Variants in KIF18B observed in about 807,000 individuals in gnomAD.
KIF18B encodes kinesin family member 18B.
Under a neutral mutation model 80.9 loss-of-function variants are expected in KIF18B, and 49 were observed. The ratio of observed to expected loss-of-function variants is 0.61; its 90% CI spans 0.48 to 0.77. The LOEUF (loss-of-function observed/expected upper bound fraction) is 0.77, where lower values mean the gene tolerates loss of function less well. Ranked by LOEUF, KIF18B falls within the 30% of genes least tolerant of loss-of-function variation. KIF18B has a pLI of 0.00. For missense variants in KIF18B, 994 were observed against 1,127.7 expected (o/e 0.88, Z 1.70); for synonymous variants, 439 against 463.9 (o/e 0.95, Z 0.69).
rs1567786403 is a variant in KIF18B, at chr17:44,927,900, A to C, written c.2276+126T>G. ...CTGGGGAGCAAAGCGGATCACAACC[A>C]AAGTGGAACAGATAGGAACCGTCCC... On this transcript the variant is annotated intron_variant, in intron 13 of 15. Coordinates refer to ENST00000593135, the MANE Select transcript of KIF18B (RefSeq NM_001265577.2). This position sits in a 1 kb window ranked among gnomAD's most constrained non-coding sequence, Gnocchi z 4.1. The C allele has an allele frequency of 6.9e-6, 6 of 868,476 alleles. No homozygotes were observed. The highest frequency in any genetic ancestry group is 9.8e-6 in the Non-Finnish European group (6 of 612,348). The allele number at this position is 868,476 out of a possible 1,614,324, so 53.8% of individuals were successfully genotyped here. A position where few individuals can be genotyped will look rare whatever the true frequency, so the allele number is the denominator to read the frequency against.
chr17:44,943,322 G>C (rs915430941), intron 1 of KIF18B, among the ~76,000 whole-genome samples: 1 of 151,872 alleles, frequency 6.6e-6, no homozygotes, highest in Non-Finnish European at 1.5e-5. Flanking sequence ...GGATGGTCTC[G>C]ATCTCCTGAC....
At chr17:44,941,311 A>T (rs2052410401) in intron 1 of KIF18B, among the ~76,000 whole-genome samples, 1 of 151,274 alleles carries the variant, frequency 6.6e-6, no homozygotes, top group African/African-American at 2.4e-5. Context: ...ACACTTTCAA[A>T]TATATGGACT....
At chr17:44,941,085 G>A (rs1275402787) in intron 1 of KIF18B, among the ~76,000 whole-genome samples, 1 of 152,120 alleles carries the variant, frequency 6.6e-6, no homozygotes, top group Non-Finnish European at 1.5e-5. Context: ...TTTCAATGAA[G>A]AAATTGAGAC....
intron 10 of KIF18B, 82 bp from the exon 11 acceptor site, chr17:44,931,811 C>A (rs2052155069): frequency 6.5e-7 from 1 of 1,541,332 alleles, no homozygotes; most frequent in Admixed American, 1.9e-5. Context: ...ATCCTTCCCT[C>A]CTACAAGAGT....
intron 1 of KIF18B, among the ~76,000 whole-genome samples, chr17:44,946,935 C>T (rs1386323190): frequency 6.6e-6 from 1 of 151,752 alleles, no homozygotes; most frequent in African/African-American, 2.4e-5. Context: ...CCCGGCCAAC[C>T]CTGTCTCTAC....
intron 15 of KIF18B, 23 bp from the exon 16 acceptor site, chr17:44,926,209 G>A (rs751697221): frequency 6.2e-7 from 1 of 1,613,362 alleles, no homozygotes; most frequent in Non-Finnish European, 8.5e-7. Context: ...TGGATGGGTG[G>A]CGGGGAGTGC....
intron 1 of KIF18B, among the ~76,000 whole-genome samples, chr17:44,946,529 T>C (rs2052515129): frequency 6.6e-6 from 1 of 152,224 alleles, no homozygotes; most frequent in Admixed American, 6.5e-5. Context: ...GTAAATAATA[T>C]TAGTATCTAC....
Position 44,925,763 on chromosome 17 carries a change from AGAGT to A in KIF18B, c.*313_*316del. Reference sequence around the variant, plus strand: ...ACCACTGCACTCCAGCCTGGGCGACAGAGTAAGACTCCATCTCAAAACAAAAAAA... The same window carrying A: ...ACCACTGCACTCCAGCCTGGGCGACAAAGACTCCATCTCAAAACAAAAAAA... On this transcript the variant is annotated 3_prime_UTR_variant, in exon 16 of 16. Coordinates refer to ENST00000593135, the MANE Select transcript of KIF18B (RefSeq NM_001265577.2). The A allele has an allele frequency of 2.9e-6, 1 of 342,364 alleles. No homozygotes were observed. Among genetic ancestry groups the A allele is most frequent in the East Asian group, 8.4e-5 (1 of 11,958 alleles). The allele number at this position is 342,364 out of a possible 1,614,324, so 21.2% of individuals were successfully genotyped here. A position where few individuals can be genotyped will look rare whatever the true frequency, so the allele number is the denominator to read the frequency against.
At chr17:44,928,644 A>T (rs2052083102) in intron 12 of KIF18B, 66 bp from the exon 13 acceptor site, 1 of 1,419,644 alleles carries the variant, frequency 7.0e-7, no homozygotes, top group African/African-American at 1.4e-5. Context: ...GAAGGAGCCC[A>T]TAACCCCTCA....
intron 1 of KIF18B, among the ~76,000 whole-genome samples, chr17:44,941,340 CTT>C (rs36121835): frequency 2.8e-4 from 38 of 134,680 alleles, no homozygotes; most frequent in East Asian, 4.4e-4. Flanking sequence ...TTTTCTTTTT[CTT>C]TTTTTTTTTT....
At position 44,928,139 on chromosome 17, in the gene KIF18B, A is replaced by G. The variant is rs1228468344; in HGVS notation, c.2163T>C (p.Asn721=). The G allele has an allele frequency of 6.2e-7, 1 of 1,606,632 alleles. No homozygotes were observed. Among genetic ancestry groups the G allele is most frequent in the African/African-American group, 1.3e-5 (1 of 74,642 alleles). ...TPLALPTRDL[N]ATFDLSEEPP... The stretch of plus-strand genomic sequence containing the variant: ...GCTCCTCAGAGAGATCAAAGGTGGC[A>G]TTGAGGTCTCGAGTGGGCAGAGCCA... The change falls in exon 13 of 16, where the codon AAT becomes AAC. Residue 721 remains asparagine, a synonymous_variant. Transcript: ENST00000593135.
At chr17:44,946,602 G>A (rs762567249) in intron 1 of KIF18B, among the ~76,000 whole-genome samples, 2 of 152,170 alleles carry the variant, frequency 1.3e-5, no homozygotes, top group Non-Finnish European at 2.9e-5. Flanking sequence ...ATAGATATTA[G>A]TATCACTGTT....
intron 10 of KIF18B, 24 bp downstream of exon 10, chr17:44,932,032 A>G (rs2052162339): frequency 1.3e-6 from 2 of 1,591,054 alleles, no homozygotes; most frequent in African/African-American, 2.7e-5. Context: ...CCCGATACCC[A>G]GGCCTCACAC....
At chr17:44,936,450 C>T in intron 1 of KIF18B, 92 bp from the exon 2 acceptor site, 1 of 1,033,754 alleles carries the variant, frequency 9.7e-7, no homozygotes, top group Admixed American at 2.7e-5. Context: ...CACCCACTCC[C>T]AATGACTGGT....
Position 44,928,506 on chromosome 17 carries a change from C to A in KIF18B, c.1796G>T (p.Arg599Leu), listed in dbSNP as rs199951508. ...CAGGGTGTGCAGGGGGCCACTCAGT[C>A]GCCTCGCCATAGTCCGGGTCACAGG... ...TGPVTRTMAR[R>L]LSGPLHTLGI... The change falls in exon 13 of 16, where the codon CGA (arginine) becomes CTA (leucine). Residue 599 changes from arginine (R) to leucine (L), a missense_variant. Transcript: ENST00000593135. 1 of 1,494,350 alleles carries A rather than the reference C, an allele frequency of 6.7e-7. No homozygotes were observed. 92.6% of individuals were successfully genotyped at this position (1,494,350 alleles called of 1,614,324 possible).
chr17:44,946,629 T>C (rs1224147552), intron 1 of KIF18B, among the ~76,000 whole-genome samples: 2 of 152,210 alleles, frequency 1.3e-5, no homozygotes, highest in East Asian at 1.9e-4. Context: ...ATATGACATA[T>C]GGCATTTTCC....
chr17:44,935,557 C>G, intron 2 of KIF18B, 141 bp from the exon 3 acceptor site: 1 of 881,410 alleles, frequency 1.1e-6, no homozygotes, highest in Non-Finnish European at 1.7e-6. Flanking sequence ...CATGTTCCCG[C>G]TGCAGGGCTG....
rs1274711856 is a variant in KIF18B at position 44,926,038 on chromosome 17, C to T, written c.*42G>A. The stretch of plus-strand genomic sequence containing the variant: ...CCAAGAGGGGTATCCAGCAGAGGGG[C>T]CGGTAGGTTAGGACACCTTGGTGGT... On this transcript the variant is annotated 3_prime_UTR_variant, in exon 16 of 16. Coordinates refer to ENST00000593135, the MANE Select transcript of KIF18B (RefSeq NM_001265577.2). The T allele has an allele frequency of 6.2e-7, 1 of 1,610,600 alleles. No homozygotes were observed.
chr17:44,928,309 C>T lies in KIF18B; in HGVS notation c.1993G>A (p.Asp665Asn). Reference protein sequence around the residue: ...LPCLRRGSLPDTQPSQGPSTP... With the variant: ...LPCLRRGSLPNTQPSQGPSTP... ...CTGGGCCCCTGTGAAGGTTGGGTGT[C>T]AGGCAGAGACCCTCTCCTTAGGCAG... is the stretch of plus-strand genomic sequence containing the variant. The change falls in exon 13 of 16, where the codon GAC (aspartate) becomes AAC (asparagine). Residue 665 changes from aspartate to asparagine, a missense_variant. By Grantham distance (23) the Asp-to-Asn change is conservative (BLOSUM62 1). Transcript: ENST00000593135. The T allele has an allele frequency of 6.2e-7, 1 of 1,612,978 alleles. No individual in the cohort carries two copies. The highest frequency in any genetic ancestry group is 8.5e-7 in the Non-Finnish European group (1 of 1,179,698).
Sources: gnomAD v4.1 joint callset for allele counts (sites outside exome capture counted in the v4.1 genomes callset) on GRCh38, gnomAD v4.1.1 for gene constraint, Gnocchi (gnomAD v3.1) non-coding constraint, MANE v1.5 for transcripts, NCBI Gene and HGNC (gene_info 2026-07-23, HGNC 2026-07-21) for gene names.